Variants in SREBF2 observed in about 807,000 individuals in gnomAD.
SREBF2 encodes sterol regulatory element binding transcription factor 2, also known as sterol regulatory element-binding protein 2.
A neutral mutation model predicts 113.1 loss-of-function variants in SREBF2; 55 were observed. The ratio of observed to expected loss-of-function variants is 0.49; its 90% confidence interval spans 0.39 to 0.61. SREBF2 has a LOEUF of 0.61. Among genes scored for constraint, SREBF2 ranks in the 20% least tolerant of loss-of-function variants. SREBF2 has a pLI of 0.00. For missense variants in SREBF2, 1,349 were observed against 1,487.4 expected, an observed-to-expected ratio of 0.91 and a Z score of 1.53; for synonymous variants, 593 against 605.7, an observed-to-expected ratio of 0.98 and a Z score of 0.31.
At chr22:41,884,804 G>T in intron 10 of SREBF2, 38 bp from the exon 11 acceptor site, 1 of 1,613,456 alleles carries the variant, frequency 6.2e-7, no homozygotes, top group Non-Finnish European at 8.5e-7. Flanking sequence ...TGGTTTTGGG[G>T]CTCCATCAAC....
chr22:41,905,412 G>T (rs572466135), intron 18 of SREBF2, 28 bp from the exon 19 acceptor site: 1 of 1,548,432 alleles, frequency 6.5e-7, no homozygotes, highest in South Asian at 1.2e-5. Context: ...GTAGATTCTC[G>T]GTTGTGACAC....
At chr22:41,872,911 A>G (rs2077159773) in intron 4 of SREBF2, among the ~76,000 whole-genome samples, 1 of 151,552 alleles carries the variant, frequency 6.6e-6, no homozygotes, top group Non-Finnish European at 1.5e-5. Context: ...AAACAAAAAC[A>G]AAAAAACAGG....
At chr22:41,835,694 C>T (rs917833328) in intron 1 of SREBF2, among the ~76,000 whole-genome samples, 2 of 152,152 alleles carry the variant, frequency 1.3e-5, no homozygotes, top group Admixed American at 6.5e-5. Flanking sequence ...GTGGCACAAT[C>T]ATAGCTCACT....
intron 5 of SREBF2, 79 bp from the exon 6 acceptor site, chr22:41,875,257 TC>T (rs1357468598): frequency 8.4e-7 from 1 of 1,193,968 alleles, no homozygotes; most frequent in Admixed American, 1.9e-5. Flanking sequence ...CATGCTGTCA[TC>T]CCAAGTGCTA....
chr22:41,882,173 A>C (rs962066980), intron 10 of SREBF2, among the ~76,000 whole-genome samples: 2 of 152,162 alleles, frequency 1.3e-5, no homozygotes, highest in African/African-American at 2.4e-5. Context: ...AGGACAGATG[A>C]GAGGAAATTA....
intron 1 of SREBF2, among the ~76,000 whole-genome samples, chr22:41,866,417 C>G (rs1016997266): frequency 9.9e-5 from 15 of 152,008 alleles, no homozygotes; most frequent in Non-Finnish European, 1.9e-4. Flanking sequence ...GGGCATGGTG[C>G]CGTGCACCTA....
chr22:41,894,535 T>C (rs2077393949), intron 12 of SREBF2, among the ~76,000 whole-genome samples: 1 of 151,938 alleles, frequency 6.6e-6, no homozygotes, highest in Admixed American at 6.6e-5. Context: ...ACCTGACAGC[T>C]CCCAACCTTA....
chr22:41,833,349 G>A lies in SREBF2; in HGVS notation c.79G>A (p.Asp27Asn). The change falls in exon 1 of 19, where the codon GAC (aspartate) becomes AAC (asparagine). Residue 27 changes from aspartate to asparagine, a missense_variant. By Grantham distance (23) the Asp-to-Asn change is conservative (BLOSUM62 1). This residue lies in a region of SREBF2 where 699 missense variants were observed against 843.3 expected (regional missense o/e 0.83). Transcript: ENST00000361204. The surrounding 1 kb of genome is among the most constrained non-coding windows in gnomAD (Gnocchi z 4.1). ...TELGDELTLG[D>N]IDEMLQFVSN... is the part of the protein sequence containing the mutation. Reference sequence around the variant, plus strand: ...GCTGGGCGACGAGCTGACCCTGGGAGACATCGACGGTGAGTGGTGGGTGGG... The same window carrying A: ...GCTGGGCGACGAGCTGACCCTGGGAAACATCGACGGTGAGTGGTGGGTGGG... 1 of 480,076 alleles carries A rather than the reference G, an allele frequency of 2.1e-6. No individual in the cohort carries two copies. The highest frequency in any genetic ancestry group is 4.0e-6 in the Non-Finnish European group (1 of 252,132). The allele number at this position is 480,076 out of a possible 1,614,324, so 29.7% of individuals were successfully genotyped here.
rs1569415016 is a variant in SREBF2, at chr22:41,906,379, G to A, written c.*719G>A. On this transcript the variant is annotated 3_prime_UTR_variant, in exon 19 of 19. Transcript: ENST00000361204. The stretch of plus-strand genomic sequence containing the variant: ...AAATGGTATCTTATTTAATTGTCCT[G>A]TTCCTTCCCACTCCCCGCCTCCTAG... 1 of 191,342 alleles carries A rather than the reference G, an allele frequency of 5.2e-6. No individual in the cohort carries two copies. The highest frequency in any genetic ancestry group is 5.4e-5 in the Admixed American group (1 of 18,474). 11.9% of individuals were successfully genotyped at this position (191,342 alleles called of 1,614,324 possible).
intron 1 of SREBF2, among the ~76,000 whole-genome samples, chr22:41,864,277 CA>C: frequency 7.6e-6 from 1 of 132,424 alleles, no homozygotes; most frequent in Non-Finnish European, 1.6e-5. Flanking sequence ...CACACACACA[CA>C]CACACAAAAT....
Position 41,884,983 on chromosome 22 carries a change from G to A in SREBF2, c.2180G>A (p.Arg727Gln), listed in dbSNP as rs776891651. The change falls in exon 11 of 19, where the codon CGG becomes CAG. Residue 727 changes from arginine to glutamine, a missense_variant. Physicochemically the swap from Arg to Gln is conservative, Grantham distance 43 (BLOSUM62 1). Coordinates refer to ENST00000361204, the MANE Select transcript of SREBF2 (RefSeq NM_004599.4). The part of the protein sequence containing the change: ...HLTAAMGLKT[R>Q]CGGKLGFLAS... ...ACTGCTGCCATGGGGCTCAAGACCCGGTGTGGAGGCAAGCTGGGCTTCCTG... is the reference window on the plus strand; with the variant it reads ...ACTGCTGCCATGGGGCTCAAGACCCAGTGTGGAGGCAAGCTGGGCTTCCTG... 43 of 1,614,022 alleles carry A rather than the reference G, an allele frequency of 2.7e-5. No homozygotes were observed. Among genetic ancestry groups the A allele is most frequent in the Middle Eastern group, 1.6e-4 (1 of 6,082 alleles).
intron 11 of SREBF2, among the ~76,000 whole-genome samples, chr22:41,886,661 C>T (rs1314587553): frequency 6.6e-6 from 1 of 152,188 alleles, no homozygotes; most frequent in Non-Finnish European, 1.5e-5. Flanking sequence ...GGTAACCACT[C>T]TTCTGAATTC....
At position 41,880,969 on chromosome 22, in the gene SREBF2, G is replaced by C; in HGVS notation, c.2015G>C (p.Arg672Pro). 6.2e-7 allele frequency: 1 copy of C among 1,609,072 alleles called. No homozygotes were observed. ...SARDAALAYH[R>P]LHQLHITGKL... is the part of the protein sequence containing the mutation. ...CGGGATGCGGCTCTGGCCTATCACC[G>C]GCTGCACCAGCTGCACATCACAGGT... Residue 672 changes from arginine to proline, a missense_variant, in exon 10 of 19, where the codon CGG becomes CCG. Physicochemically the swap from Arg to Pro is moderately radical, Grantham distance 103 (BLOSUM62 -2). Coordinates refer to ENST00000361204, the MANE Select transcript of SREBF2 (RefSeq NM_004599.4).
At chr22:41,847,920 A>ATTATT (rs1556030998) in intron 1 of SREBF2, among the ~76,000 whole-genome samples, 2 of 137,458 alleles carry the variant, frequency 1.5e-5, no homozygotes, top group Non-Finnish European at 3.1e-5. Flanking sequence ...TATTATTATT[A>ATTATT]TTTTTTTTTT....
At chr22:41,849,034 AT>A (rs1277541971) in intron 1 of SREBF2, among the ~76,000 whole-genome samples, 1 of 152,222 alleles carries the variant, frequency 6.6e-6, no homozygotes, top group Non-Finnish European at 1.5e-5. Context: ...AACTTTGTAT[AT>A]GAATATATAC....
intron 1 of SREBF2, among the ~76,000 whole-genome samples, chr22:41,864,296 T>A (rs1199913646): frequency 1.1e-3 from 119 of 111,296 alleles, no homozygotes; most frequent in Non-Finnish European, 1.5e-3. Flanking sequence ...AATATCAAAA[T>A]ATATATATAT....
At chr22:41,839,230 G>T (rs1162937562) in intron 1 of SREBF2, among the ~76,000 whole-genome samples, 1 of 152,140 alleles carries the variant, frequency 6.6e-6, no homozygotes, top group East Asian at 1.9e-4. Context: ...TAGGGGAAAT[G>T]ATGAAAATTT....
chr22:41,868,747 G>A lies in SREBF2; in HGVS notation c.675G>A (p.Pro225=), dbSNP rs200709248. ...ATGGCACGCTGCAGACCCTTGCCCC[G>A]GCTACGGTGCAGACAGTTGCTGCGC... is the stretch of plus-strand genomic sequence containing the variant. The part of the protein sequence containing the change: ...TANGTLQTLA[P]ATVQTVAAPQ... The change falls in exon 3 of 19, where the codon CCG becomes CCA. Residue 225 remains proline, a synonymous_variant. Transcript: ENST00000361204. 41 of 1,613,948 alleles carry A rather than the reference G, an allele frequency of 2.5e-5. No individual in the cohort carries two copies. Among genetic ancestry groups the A allele is most frequent in the African/African-American group, 1.3e-4 (10 of 75,034 alleles).
intron 3 of SREBF2, among the ~76,000 whole-genome samples, chr22:41,869,182 A>G (rs921184711): frequency 6.6e-6 from 1 of 152,080 alleles, no homozygotes; most frequent in Non-Finnish European, 1.5e-5. Context: ...TCAGCTCACT[A>G]TAACCTCCGC....
Sources: gnomAD v4.1 joint callset for allele counts (sites outside exome capture counted in the v4.1 genomes callset) on GRCh38, gnomAD v4.1.1 for gene constraint, gnomAD v4.1.1 regional missense constraint, Gnocchi (gnomAD v3.1) non-coding constraint, MANE v1.5 for transcripts, NCBI Gene and HGNC (gene_info 2026-07-23, HGNC 2026-07-21) for gene names.